Variants in BCL6B observed in about 807,000 individuals in gnomAD.
BCL6B encodes the protein BCL6B transcription repressor.
A neutral mutation model predicts 44.6 loss-of-function variants in BCL6B; 28 were observed. That is an observed-to-expected ratio of 0.63 (90% confidence interval 0.47 to 0.86). The LOEUF (loss-of-function observed/expected upper bound fraction) is 0.86. BCL6B is among the 40% of genes least tolerant of loss of function. The pLI is 0.00. For synonymous variants in BCL6B, 268 were observed against 263.6 expected (o/e 1.02, Z -0.16); for missense variants, 626 against 652.3 (o/e 0.96, Z 0.44).
Position 7,024,580 on chromosome 17 carries a change from G to A in BCL6B, c.581G>A (p.Trp194Ter). The change falls in exon 4 of 9, where the codon TGG becomes TAG. Residue 194 changes from tryptophan to a stop codon, truncating the protein, a stop_gained. Coordinates refer to ENST00000293805, the MANE Select transcript of BCL6B (RefSeq NM_181844.4). LOFTEE classifies it high-confidence loss of function. This position sits in a 1 kb window ranked among gnomAD's most constrained non-coding sequence, Gnocchi z 6.6. Reference protein sequence around the residue: ...PASPDPKACNWKKYKYIVLNS... With the variant: ...PASPDPKACN ...AGCCCTGACCCCAAGGCCTGCAACT[G>A]GAAAAAGTACAAGTACATCGTGCTA... 1.9e-6 allele frequency: 3 copies of A among 1,614,122 alleles called. No homozygotes were observed. The highest frequency in any genetic ancestry group is 2.5e-6 in the Non-Finnish European group (3 of 1,180,030).
In BCL6B at chr17:7,027,010, A is replaced by G; in HGVS notation, c.1246A>G (p.Thr416Ala). The change falls in exon 8 of 9, where the codon ACC becomes GCC. Residue 416 changes from threonine to alanine, a missense_variant. Thr to Ala is a moderately conservative substitution (Grantham distance 58, BLOSUM62 0). Transcript: ENST00000293805. ...HTGEKPYPCPTCGTRFRHLQT... is the reference protein window; with the variant it reads ...HTGEKPYPCPACGTRFRHLQT... ...CGGGGAGAAGCCCTACCCTTGCCCT[A>G]CCTGCGGAACCCGCTTCCGCCACCT... 6.2e-7 allele frequency: 1 copy of G among 1,613,598 alleles called. No homozygotes were observed. Among genetic ancestry groups the G allele is most frequent in the South Asian group, 1.1e-5 (1 of 91,070 alleles).
At position 7,026,580 on chromosome 17, in the gene BCL6B, G is replaced by A. The variant is rs757794474; in HGVS notation, c.1013G>A (p.Arg338His). ...TGTCAGCTGTGCCGGTCTTCGTTCC[G>A]CTACAAGGGCAACCTTGCCAGTCAT... is the stretch of plus-strand genomic sequence containing the variant. ...YKCQLCRSSFRYKGNLASHRT... is the reference protein window; with the variant it reads ...YKCQLCRSSFHYKGNLASHRT... The change falls in exon 6 of 9, where the codon CGC becomes CAC. Residue 338 changes from arginine to histidine, a missense_variant. Arg to His is a conservative substitution (Grantham distance 29, BLOSUM62 0). Transcript: ENST00000293805. 11 of 1,614,058 alleles carry A rather than the reference G, an allele frequency of 6.8e-6. No individual in the cohort carries two copies. The highest frequency in any genetic ancestry group is 1.6e-4 in the Middle Eastern group (1 of 6,084).
Position 7,023,774 on chromosome 17 carries a change from G to C in BCL6B, c.103G>C (p.Gly35Arg), listed in dbSNP as rs1220545845. The part of the protein sequence containing the change: ...LGNLNELRLR[G>R]ILTDVTLLVG... The stretch of plus-strand genomic sequence containing the variant: ...CAACCTCAACGAGCTGCGCCTGCGC[G>C]GGATCCTCACTGACGTCACGCTGCT... Residue 35 changes from glycine to arginine, a missense_variant, in exon 2 of 9, where the codon GGG becomes CGG. Coordinates refer to ENST00000293805, the MANE Select transcript of BCL6B (RefSeq NM_181844.4). 3.1e-6 allele frequency: 5 copies of C among 1,613,320 alleles called. No homozygotes were observed. Among genetic ancestry groups the C allele is most frequent in the Non-Finnish European group, 4.2e-6 (5 of 1,179,996 alleles).
rs1910351069 is a variant in BCL6B, at chr17:7,028,104, C to A, written c.*485C>A. On this transcript the variant is annotated 3_prime_UTR_variant, in exon 9 of 9. Transcript: ENST00000293805. ...GCAGAGATTACTAGCCCTTGGCTCT[C>A]TCGTTTGGCTTGGGTATTTTATATT... is the stretch of plus-strand genomic sequence containing the variant. The A allele has an allele frequency of 2.0e-6, 2 of 987,552 alleles. No homozygotes were observed. Among genetic ancestry groups the A allele is most frequent in the Non-Finnish European group, 2.4e-6 (2 of 831,438 alleles). The allele number at this position is 987,552 out of a possible 1,614,324, so 61.2% of individuals were successfully genotyped here. A position where few individuals can be genotyped will look rare whatever the true frequency, so the allele number is the denominator to read the frequency against.
chr17:7,026,904 G>T, intron 7 of BCL6B, 46 bp from the exon 8 acceptor site: 2 of 1,611,128 alleles, frequency 1.2e-6, no homozygotes, highest in Non-Finnish European at 1.7e-6. Flanking sequence ...AATAGGGAGG[G>T]TTCTGTTCCT....
intron 5 of BCL6B, 130 bp from the exon 6 acceptor site, chr17:7,026,327 A>T: frequency 7.8e-7 from 1 of 1,275,900 alleles, no homozygotes; most frequent in Non-Finnish European, 1.1e-6. Flanking sequence ...GAGCAAGTCA[A>T]ACCAGCCCCA....
At chr17:7,023,930 A>G in intron 2 of BCL6B, 80 bp downstream of exon 2, 4 of 1,559,066 alleles carry the variant, frequency 2.6e-6, no homozygotes, top group Non-Finnish European at 3.5e-6. Flanking sequence ...ATCCGAAGCC[A>G]AGTCTTTCAG....
In BCL6B at chr17:7,026,787, G is replaced by C. The variant is rs375688549; in HGVS notation, c.1137G>C (p.Ser379=). ...ANLKTHSRIH[S]GEKPYKCETC... ...TGAAAACGCACAGCCGCATCCATTC[G>C]GGAGAGAAGCCGTATAAGTGTGAGA... The change falls in exon 7 of 9, where the codon TCG becomes TCC. Residue 379 remains serine, a synonymous_variant. Coordinates refer to ENST00000293805, the MANE Select transcript of BCL6B (RefSeq NM_181844.4). 6.2e-7 allele frequency: 1 copy of C among 1,614,142 alleles called. No homozygotes were observed. Among genetic ancestry groups the C allele is most frequent in the Middle Eastern group, 1.6e-4 (1 of 6,062 alleles).
chr17:7,026,430 G>T (rs368010148), intron 5 of BCL6B, 27 bp from the exon 6 acceptor site: 1 of 1,611,702 alleles, frequency 6.2e-7, no homozygotes, highest in Non-Finnish European at 8.5e-7. Flanking sequence ...AATAACTATG[G>T]TTGCCGTCAC....
Position 7,026,791 on chromosome 17 carries a change from G to A in BCL6B, c.1141G>A (p.Glu381Lys). The A allele has an allele frequency of 6.2e-7, 1 of 1,614,142 alleles. No homozygotes were observed. Among genetic ancestry groups the A allele is most frequent in the Non-Finnish European group, 8.5e-7 (1 of 1,180,038 alleles). The change falls in exon 7 of 9, where the codon GAG (glutamate) becomes AAG (lysine). Residue 381 changes from glutamate (E) to lysine (K), a missense_variant. Transcript: ENST00000293805. ...LKTHSRIHSG[E>K]KPYKCETCGS... ...AACGCACAGCCGCATCCATTCGGGA[G>A]AGAAGCCGTATAAGTGTGAGACGTG... is the stretch of plus-strand genomic sequence containing the variant.
Position 7,024,581 on chromosome 17 carries a change from G to T in BCL6B, c.582G>T (p.Trp194Cys). 1.9e-6 allele frequency: 3 copies of T among 1,614,126 alleles called. No homozygotes were observed. In the South Asian group the frequency reaches 3.3e-5, roughly 18 times the overall value. Residue 194 changes from tryptophan (W) to cysteine (C), a missense_variant, in exon 4 of 9, where the codon TGG becomes TGT. Trp to Cys is a radical substitution (Grantham distance 215). Coordinates refer to ENST00000293805, the MANE Select transcript of BCL6B (RefSeq NM_181844.4). This position sits in a 1 kb window ranked among gnomAD's most constrained non-coding sequence, Gnocchi z 6.6. ...PASPDPKACN[W>C]KKYKYIVLNS... The stretch of plus-strand genomic sequence containing the variant: ...GCCCTGACCCCAAGGCCTGCAACTG[G>T]AAAAAGTACAAGTACATCGTGCTAA...
At chr17:7,023,141 C>G (rs1408290087) in intron 1 of BCL6B, 42 bp downstream of exon 1, 1 of 153,664 alleles carries the variant, frequency 6.5e-6, no homozygotes, top group Non-Finnish European at 1.5e-5. Context: ...CTGGGTCCCC[C>G]AAGAGGGTAG....
At chr17:7,025,556 A>G (rs1330385872) in intron 5 of BCL6B, among the ~76,000 whole-genome samples, 2 of 152,176 alleles carry the variant, frequency 1.3e-5, no homozygotes, top group Admixed American at 6.5e-5. Flanking sequence ...ATTTTAGCCA[A>G]GCATGGTGGC....
chr17:7,026,128 G>T (rs1263040436), intron 5 of BCL6B, among the ~76,000 whole-genome samples: 8 of 152,182 alleles, frequency 5.3e-5, no homozygotes, highest in Non-Finnish European at 7.4e-5. Context: ...CACCATGTTG[G>T]CCAGGATGGT....
rs1910245565 is a variant in BCL6B at position 7,025,068 on chromosome 17, C to T, written c.765-8C>T. ...TCTCTTTTAACCCTTTCCTTGCCAT[C>T]TGCCTAGGCTCTCTCCAACTGCTGC... On this transcript the variant is annotated splice_region_variant and splice_polypyrimidine_tract_variant and intron_variant, in intron 4 of 8. Transcript: ENST00000293805. 6.2e-7 allele frequency: 1 copy of T among 1,613,686 alleles called. No individual in the cohort carries two copies. Among genetic ancestry groups the T allele is most frequent in the Non-Finnish European group, 8.5e-7 (1 of 1,179,818 alleles).
chr17:7,023,660 GC>G lies in BCL6B; in HGVS notation c.-10del, dbSNP rs1176689946. On this transcript the variant is annotated splice_region_variant and 5_prime_UTR_variant, in exon 2 of 9. Transcript: ENST00000293805. ...AGAGCACTTTCCACGGCCTCTACAG[GC>G]CTGTGTCGCTATGGGTTCCCCCGCC... The G allele has an allele frequency of 5.0e-6, 8 of 1,609,986 alleles. No individual in the cohort carries two copies. Among genetic ancestry groups the G allele is most frequent in the Non-Finnish European group, 5.9e-6 (7 of 1,178,464 alleles).
Position 7,023,718 on chromosome 17 carries a change from A to C in BCL6B, c.47A>C (p.Glu16Ala). The C allele has an allele frequency of 1.9e-6, 3 of 1,613,078 alleles. No individual in the cohort carries two copies. The highest frequency in any genetic ancestry group is 2.5e-6 in the Non-Finnish European group (3 of 1,179,998). ...APEGALGYVR[E>A]FTRHSSDVLG... is the part of the protein sequence containing the mutation. ...GAGGGAGCGCTGGGCTACGTCCGCG[A>C]GTTCACTCGCCACTCCTCCGACGTG... Residue 16 changes from glutamate (E) to alanine (A), a missense_variant, in exon 2 of 9, where the codon GAG becomes GCG. By Grantham distance (107) the Glu-to-Ala change is moderately radical (BLOSUM62 -1). Coordinates refer to ENST00000293805, the MANE Select transcript of BCL6B (RefSeq NM_181844.4).
In BCL6B at chr17:7,024,115, C is replaced by T. The variant is rs761884588; in HGVS notation, c.212C>T (p.Ala71Val). The stretch of plus-strand genomic sequence containing the variant: ...TTCTATTCAATTTTCCGGGGCCGTG[C>T]GGGAGTCGGGGTGGACGTGCTCTCT... Reference protein sequence around the residue: ...GFFYSIFRGRAGVGVDVLSLP... With the variant: ...GFFYSIFRGRVGVGVDVLSLP... The change falls in exon 3 of 9, where the codon GCG (alanine) becomes GTG (valine). Residue 71 changes from alanine (A) to valine (V), a missense_variant. Physicochemically the swap from Ala to Val is moderately conservative, Grantham distance 64. Transcript: ENST00000293805. The surrounding 1 kb of genome is among the most constrained non-coding windows in gnomAD (Gnocchi z 6.6). 3.7e-6 allele frequency: 6 copies of T among 1,613,964 alleles called. No homozygotes were observed. The highest frequency in any genetic ancestry group is 5.1e-6 in the Non-Finnish European group (6 of 1,180,018).
Position 7,024,533 on chromosome 17 carries a change from T to G in BCL6B, c.534T>G (p.Ser178Arg), listed in dbSNP as rs1443977640. ...PDPPTESRSC[S>R]QGPPSPASPD... ...CACCTACTGAATCTCGAAGCTGCAG[T>G]CAAGGCCCCCCCAGTCCAGCCAGCC... The change falls in exon 4 of 9, where the codon AGT becomes AGG. Residue 178 changes from serine (S) to arginine (R), a missense_variant. Coordinates refer to ENST00000293805, the MANE Select transcript of BCL6B (RefSeq NM_181844.4). The surrounding 1 kb of genome is among the most constrained non-coding windows in gnomAD (Gnocchi z 6.6). 4 of 1,612,464 alleles carry G rather than the reference T, an allele frequency of 2.5e-6. No individual in the cohort carries two copies. The highest frequency in any genetic ancestry group is 3.4e-6 in the Non-Finnish European group (4 of 1,179,826).
Sources: gnomAD v4.1 joint callset for allele counts (sites outside exome capture counted in the v4.1 genomes callset) on GRCh38, gnomAD v4.1.1 for gene constraint, Gnocchi (gnomAD v3.1) non-coding constraint, MANE v1.5 for transcripts, NCBI Gene and HGNC (gene_info 2026-07-23, HGNC 2026-07-21) for gene names.